ACTR3C: variants seen among roughly 807,000 people sequenced by gnomAD.
ACTR3C encodes the protein actin-related protein 3C.
Under a neutral mutation model 26.3 loss-of-function variants are expected in ACTR3C, and 18 were observed. The observed-to-expected ratio is 0.68, with a 90% CI of 0.47 to 1.01. The LOEUF (loss-of-function observed/expected upper bound fraction) is 1.01. ACTR3C is among the 50% of genes least tolerant of loss of function. The pLI, the probability that ACTR3C is intolerant of heterozygous loss-of-function variation, is 0.00. For synonymous variants in ACTR3C, 55 were observed against 94.5 expected, an observed-to-expected ratio of 0.58 and a Z score of 2.42; for missense variants, 184 against 250.7, an observed-to-expected ratio of 0.73 and a Z score of 1.80.
chr7:150,082,181 A>G, the ACTR3C span, among the ~76,000 whole-genome samples: 1 of 152,052 alleles, frequency 6.6e-6, no homozygotes, highest in Admixed American at 6.6e-5. Context: ...CTGTTCCTAG[A>G]CTCCACAAAG....
the ACTR3C span, among the ~76,000 whole-genome samples, chr7:150,032,648 G>A: frequency 1.3e-5 from 2 of 151,848 alleles, no homozygotes; most frequent in African/African-American, 4.8e-5. Flanking sequence ...AAATCTGAGA[G>A]TTAGGGAGAC....
the ACTR3C span, among the ~76,000 whole-genome samples, chr7:150,029,426 A>AAAAAAAAAAAAAAAAAACAAAAAAC: frequency 7.7e-6 from 1 of 129,600 alleles, no homozygotes; most frequent in African/African-American, 3.0e-5. Context: ...AACAAACAAA[A>AAAAAAAAAAAAAAAAAACAAAAAAC]AAAAACCATG....
the ACTR3C span, among the ~76,000 whole-genome samples, chr7:149,937,824 C>T: frequency 6.6e-6 from 1 of 152,184 alleles, no homozygotes; most frequent in Non-Finnish European, 1.5e-5. Context: ...GCATTCTGAT[C>T]CCTTCCCTCA....
chr7:150,158,052 C>G, the ACTR3C span, among the ~76,000 whole-genome samples: 1 of 152,070 alleles, frequency 6.6e-6, no homozygotes, highest in African/African-American at 2.4e-5. Context: ...ACATTTCTTC[C>G]AAAGAAGACA....
chr7:150,102,864 C>T, the ACTR3C span, among the ~76,000 whole-genome samples: 1 of 152,062 alleles, frequency 6.6e-6, no homozygotes, highest in Admixed American at 6.6e-5. Flanking sequence ...GGCATGAACG[C>T]AGACCTGCCT....
At chr7:150,138,731 G>C in the ACTR3C span, among the ~76,000 whole-genome samples, 4,453 of 152,258 alleles carry the variant, frequency 0.029, 19 homozygotes, top group East Asian at 0.15. Context: ...GGCTGTGTGT[G>C]TGCTCTAGCA....
the ACTR3C span, among the ~76,000 whole-genome samples, chr7:150,039,786 A>AC: frequency 2.6e-4 from 23 of 88,684 alleles, no homozygotes; most frequent in South Asian, 2.2e-3. Flanking sequence ...CAGGGGGGGA[A>AC]GAGGGACTGG....
Position 150,285,423 on chromosome 7 carries a change from C to A in ACTR3C, c.472-578G>T, listed in dbSNP as rs542646547. Among the ~76,000 whole-genome samples the A allele has an allele frequency of 4.9e-3, 750 of 152,306 alleles. 9 individuals are homozygous for A. The highest frequency in any genetic ancestry group is 4.4e-3 in the Non-Finnish European group (300 of 68,024). Reference sequence around the variant, plus strand: ...ATAAGCTAAAGTATAACGAATTCAACTCAATTACATTTCATTTGAAATATT... The same window carrying A: ...ATAAGCTAAAGTATAACGAATTCAAATCAATTACATTTCATTTGAAATATT... On this transcript the variant is annotated intron_variant, in intron 5 of 7. Transcript: ENST00000683684.
the ACTR3C span, among the ~76,000 whole-genome samples, chr7:149,992,253 C>T: frequency 3.3e-5 from 5 of 152,250 alleles, no homozygotes; most frequent in East Asian, 1.9e-4. Flanking sequence ...AATAAATACA[C>T]GGTAGCAGAC....
chr7:150,010,006 T>C, the ACTR3C span, among the ~76,000 whole-genome samples: 2 of 152,244 alleles, frequency 1.3e-5, no homozygotes, highest in Non-Finnish European at 2.9e-5. Context: ...GCTACTCTTA[T>C]AATGAAGCTA....
the ACTR3C span, among the ~76,000 whole-genome samples, chr7:150,173,339 G>A: frequency 3.1e-4 from 45 of 146,812 alleles, no homozygotes; most frequent in African/African-American, 1.2e-3. Flanking sequence ...AAGCTGCCAA[G>A]GCTTGGGGCT....
the ACTR3C span, among the ~76,000 whole-genome samples, chr7:149,976,589 A>AG: frequency 0.044 from 6,661 of 150,100 alleles, 423 homozygotes; most frequent in African/African-American, 0.14. Context: ...AAAAAAAAAA[A>AG]AGAGAGAGAG....
chr7:150,099,701 A>G, the ACTR3C span, among the ~76,000 whole-genome samples: 1 of 151,600 alleles, frequency 6.6e-6, no homozygotes, highest in Admixed American at 6.6e-5. Context: ...CCACCTTGTC[A>G]TCTGCCTGTC....
the ACTR3C span, among the ~76,000 whole-genome samples, chr7:150,163,826 C>T: frequency 7.2e-5 from 11 of 152,056 alleles, no homozygotes; most frequent in African/African-American, 2.7e-4. Context: ...TTGAGTCCGC[C>T]TCCATGGACT....
At chr7:150,077,717 A>T in the ACTR3C span, among the ~76,000 whole-genome samples, 5 of 152,196 alleles carry the variant, frequency 3.3e-5, no homozygotes, top group African/African-American at 9.7e-5. Context: ...CTGTCAAACC[A>T]CAAGCCACAT....
chr7:150,093,235 T>C, the ACTR3C span, among the ~76,000 whole-genome samples: 1 of 151,138 alleles, frequency 6.6e-6, no homozygotes, highest in African/African-American at 2.5e-5. Context: ...ATACCTGAGT[T>C]TTCCTGAATG....
At chr7:150,163,352 TTGTGTG>T in the ACTR3C span, among the ~76,000 whole-genome samples, 15 of 135,364 alleles carry the variant, frequency 1.1e-4, no homozygotes, top group Non-Finnish European at 1.5e-4. Context: ...ACATATATCC[TTGTGTG>T]TGTGTGTATA....
At chr7:149,916,009 C>G in the ACTR3C span, among the ~76,000 whole-genome samples, 1 of 148,458 alleles carries the variant, frequency 6.7e-6, no homozygotes, top group Non-Finnish European at 1.5e-5. Context: ...TGCTTGAAAA[C>G]AGTATATATT....
the ACTR3C span, among the ~76,000 whole-genome samples, chr7:149,911,678 A>AC: frequency 6.6e-6 from 1 of 152,040 alleles, no homozygotes; most frequent in South Asian, 2.1e-4. Context: ...AGAAAAAAAA[A>AC]AAACACTGAA....
Sources: allele counts gnomAD v4.1 joint callset (sites outside exome capture counted in the v4.1 genomes callset), GRCh38; gene constraint gnomAD v4.1.1; transcripts MANE v1.5; gene names NCBI Gene and HGNC (gene_info 2026-07-23, HGNC 2026-07-21).